Variants in DOK6 observed in about 807,000 individuals in gnomAD.
DOK6 encodes the protein downstream of tyrosine kinase 6.
Under a neutral mutation model 44.0 loss-of-function variants are expected in DOK6, and 22 were observed. That is an observed-to-expected ratio of 0.50 (90% CI 0.36 to 0.71). The LOEUF (loss-of-function observed/expected upper bound fraction) is 0.71, where lower values mean the gene tolerates loss of function less well. Among genes scored for constraint, DOK6 ranks in the 30% least tolerant of loss-of-function variants. DOK6 has a pLI of 0.00. For missense variants in DOK6, 340 were observed against 416.4 expected, an observed-to-expected ratio of 0.82 and a Z score of 1.60; for synonymous variants, 166 against 145.5, an observed-to-expected ratio of 1.14 and a Z score of -1.01.
intron 3 of DOK6, among the ~76,000 whole-genome samples, chr18:69,650,946 G>A (rs550919897): frequency 3.9e-5 from 6 of 152,202 alleles, no homozygotes; most frequent in African/African-American, 9.6e-5. Flanking sequence ...TCATCAAGGC[G>A]GTGGTTAAAA....
chr18:69,761,659 A>T (rs1347633922), intron 7 of DOK6, among the ~76,000 whole-genome samples: 1 of 152,140 alleles, frequency 6.6e-6, no homozygotes, highest in Non-Finnish European at 1.5e-5. Flanking sequence ...GTATCCAGCC[A>T]AGTCCAAGGG....
rs142584670 is a variant in DOK6 at position 69,522,860 on chromosome 18, T to C, written c.67-41627T>C. Among the ~76,000 whole-genome samples the C allele has an allele frequency of 1.2e-4, 18 of 152,218 alleles. No homozygotes were observed. The East Asian group carries it at 3.3e-3, about 28-fold the overall frequency. ...TCGTTAAGTATGTGATGGAGAAAAGTATATCTATATTTTCCAGTCTCCTTG... is the reference window on the plus strand; with the variant it reads ...TCGTTAAGTATGTGATGGAGAAAAGCATATCTATATTTTCCAGTCTCCTTG... On this transcript the variant is annotated intron_variant, in intron 1 of 7. Coordinates refer to ENST00000382713, the MANE Select transcript of DOK6 (RefSeq NM_152721.6).
chr18:69,829,774 A>G (rs893936559), intron 7 of DOK6, among the ~76,000 whole-genome samples: 3 of 151,906 alleles, frequency 2.0e-5, no homozygotes, highest in Non-Finnish European at 4.4e-5. Flanking sequence ...TCTATAGGAA[A>G]AAAAAAAAGA....
At chr18:69,560,810 C>T (rs1419937932) in intron 1 of DOK6, among the ~76,000 whole-genome samples, 2 of 152,118 alleles carry the variant, frequency 1.3e-5, no homozygotes, top group Non-Finnish European at 2.9e-5. Context: ...AGGACACAAG[C>T]TCAGAGAGAT....
chr18:69,667,575 T>C (rs1489111160), intron 3 of DOK6, among the ~76,000 whole-genome samples: 2 of 152,174 alleles, frequency 1.3e-5, no homozygotes, highest in East Asian at 3.9e-4. Flanking sequence ...AATCTTACAA[T>C]CAATTTTTGG....
At chr18:69,550,886 C>T (rs139703235) in intron 1 of DOK6, among the ~76,000 whole-genome samples, 1,703 of 149,988 alleles carry the variant, frequency 0.011, 30 homozygotes, top group African/African-American at 0.039. Context: ...GGGGTTCAAG[C>T]GATTCTTCTG....
At chr18:69,721,728 T>C (rs1021952947) in intron 5 of DOK6, among the ~76,000 whole-genome samples, 2 of 152,134 alleles carry the variant, frequency 1.3e-5, no homozygotes, top group East Asian at 3.9e-4. Flanking sequence ...TGAATTTACT[T>C]AAAAGTATAA....
At chr18:69,629,512 G>T (rs1984641506) in intron 3 of DOK6, among the ~76,000 whole-genome samples, 1 of 152,174 alleles carries the variant, frequency 6.6e-6, no homozygotes, top group Non-Finnish European at 1.5e-5. Flanking sequence ...TATTGAAAGA[G>T]AAATTTGCAA....
intron 1 of DOK6, among the ~76,000 whole-genome samples, chr18:69,445,110 A>T (rs1979247638): frequency 6.6e-6 from 1 of 151,552 alleles, no homozygotes. Flanking sequence ...TTCTTATTTC[A>T]TTTTCATATT....
chr18:69,573,419 T>C (rs1983165125), intron 2 of DOK6, among the ~76,000 whole-genome samples: 1 of 151,956 alleles, frequency 6.6e-6, no homozygotes, highest in Admixed American at 6.6e-5. Context: ...AATTTACCTT[T>C]TTGTGGCAAT....
chr18:69,526,721 A>G (rs944140453), intron 1 of DOK6, among the ~76,000 whole-genome samples: 1 of 152,122 alleles, frequency 6.6e-6, no homozygotes. Flanking sequence ...AGTTCTTTTA[A>G]ACATACTGAG....
Position 69,842,614 on chromosome 18 carries a change from C to A in DOK6, c.*1231C>A, listed in dbSNP as rs574002219. 1 of 152,118 alleles carries A rather than the reference C, an allele frequency of 6.6e-6. No individual in the cohort carries two copies. Among genetic ancestry groups the A allele is most frequent in the Non-Finnish European group, 1.5e-5 (1 of 68,036 alleles). The allele number at this position is 152,118 out of a possible 1,614,324, so 9.4% of individuals were successfully genotyped here. ...TTTTCTTTTACTGGACACAGGTTGT[C>A]TGAGATTATAAGAAATAAAATAGAT... is the stretch of plus-strand genomic sequence containing the variant. On this transcript the variant is annotated 3_prime_UTR_variant, in exon 8 of 8. Transcript: ENST00000382713.
chr18:69,680,249 C>T (rs368716362), intron 4 of DOK6, among the ~76,000 whole-genome samples: 7 of 152,146 alleles, frequency 4.6e-5, no homozygotes, highest in Non-Finnish European at 8.8e-5. Flanking sequence ...GAGACAGACA[C>T]GTACTCACTA....
intron 7 of DOK6, among the ~76,000 whole-genome samples, chr18:69,822,537 T>C (rs1245249457): frequency 6.6e-6 from 1 of 152,208 alleles, no homozygotes; most frequent in Non-Finnish European, 1.5e-5. Context: ...ACCCCAGTGT[T>C]TTAAAATAGG....
At chr18:69,495,065 G>A (rs560821106) in intron 1 of DOK6, among the ~76,000 whole-genome samples, 1 of 152,348 alleles carries the variant, frequency 6.6e-6, no homozygotes, top group Non-Finnish European at 1.5e-5. Flanking sequence ...GACACAGCAG[G>A]ATGGGCACCT....
chr18:69,770,280 C>T (rs1402972137), intron 7 of DOK6, among the ~76,000 whole-genome samples: 2 of 152,110 alleles, frequency 1.3e-5, no homozygotes, highest in Non-Finnish European at 2.9e-5. Context: ...TGCCAAAGGA[C>T]ACAGAGTGGG....
At chr18:69,596,775 G>A (rs1024155006) in intron 2 of DOK6, among the ~76,000 whole-genome samples, 3 of 152,036 alleles carry the variant, frequency 2.0e-5, no homozygotes, top group Non-Finnish European at 4.4e-5. Flanking sequence ...CAGTATAAAT[G>A]CATATTTATT....
chr18:69,467,996 A>T (rs1847469736), intron 1 of DOK6, among the ~76,000 whole-genome samples: 4 of 152,116 alleles, frequency 2.6e-5, no homozygotes. Flanking sequence ...ATAGGCAATG[A>T]TTTAATTTTG....
At chr18:69,726,111 T>A (rs12957969) in intron 5 of DOK6, among the ~76,000 whole-genome samples, 34,494 of 152,030 alleles carry the variant, frequency 0.23, 4,061 homozygotes, top group Middle Eastern at 0.36. Context: ...GGAGAGAGGG[T>A]TGTCAAGAAT....
Sources: gnomAD v4.1 joint callset for allele counts (sites outside exome capture counted in the v4.1 genomes callset) on GRCh38, gnomAD v4.1.1 for gene constraint, MANE v1.5 for transcripts, NCBI Gene and HGNC (gene_info 2026-07-23, HGNC 2026-07-21) for gene names.